Variants in FLNC observed in about 807,000 individuals in gnomAD.
FLNC encodes filamin C.
A neutral mutation model predicts 254.3 loss-of-function variants in FLNC; 91 were observed. The observed-to-expected ratio is 0.36, with a 90% CI of 0.30 to 0.43. The LOEUF (loss-of-function observed/expected upper bound fraction) is 0.43. FLNC is among the 20% of genes least tolerant of loss of function. The probability of loss-of-function intolerance (pLI) is 1.00; values close to 1 mark genes in which losing one functional copy is unlikely to be tolerated. For missense variants in FLNC, 2,853 were observed against 3,802.6 expected, an observed-to-expected ratio of 0.75 and a Z score of 6.57; for synonymous variants, 1,430 against 1,577.2, an observed-to-expected ratio of 0.91 and a Z score of 2.21.
In FLNC at chr7:128,843,754, CT is replaced by C. The variant is rs763236914; in HGVS notation, c.2812-40del. On this transcript the variant is annotated intron_variant, in intron 18 of 47. Transcript: ENST00000325888. ...ATTCACCACCAGGATGTTGTAGGAC[CT>C]TGCCTTATATCCAGTTCTGACCTAC... The C allele has an allele frequency of 1.0e-5, 16 of 1,577,892 alleles. No individual in the cohort carries two copies. The South Asian group carries it at 1.8e-4, about 17-fold the overall frequency.
intron 37 of FLNC, chr7:128,853,256 C>G: frequency 1.4e-6 from 1 of 710,828 alleles, no homozygotes; most frequent in South Asian, 1.7e-5. Context: ...TCTGTCCCTC[C>G]CTTGCTCACT....
At position 128,835,425 on chromosome 7, in the gene FLNC, A is replaced by G. The variant is rs1193415807; in HGVS notation, c.452A>G (p.Glu151Gly). Residue 151 changes from glutamate (E) to glycine (G), a missense_variant, in exon 2 of 48, where the codon GAA becomes GGA. This residue lies in a region of FLNC where 115 missense variants were observed against 230.3 expected (regional missense o/e 0.50). Transcript: ENST00000325888. The surrounding 1 kb of genome is among the most constrained non-coding windows in gnomAD (Gnocchi z 5.3). Reference sequence around the variant, plus strand: ...ATCTCCATGCCCATGTGGGAGGATGAAGATGATGAGGATGCCCGCAAACAG... The same window carrying G: ...ATCTCCATGCCCATGTGGGAGGATGGAGATGATGAGGATGCCCGCAAACAG... Reference protein sequence around the residue: ...YSISMPMWEDEDDEDARKQTP... With the variant: ...YSISMPMWEDGDDEDARKQTP... 6.2e-7 allele frequency: 1 copy of G among 1,614,126 alleles called. No homozygotes were observed. The highest frequency in any genetic ancestry group is 1.1e-5 in the South Asian group (1 of 91,082).
At position 128,857,140 on chromosome 7, in the gene FLNC, G is replaced by C; in HGVS notation, c.7584G>C (p.Val2528=). The C allele has an allele frequency of 6.2e-7, 1 of 1,614,114 alleles. No individual in the cohort carries two copies. Among genetic ancestry groups the C allele is most frequent in the Non-Finnish European group, 8.5e-7 (1 of 1,180,008 alleles). The change falls in exon 46 of 48, where the codon GTG becomes GTC. Residue 2528 remains valine, a synonymous_variant. Transcript: ENST00000325888. This position sits in a 1 kb window ranked among gnomAD's most constrained non-coding sequence, Gnocchi z 4.5. ...GTTGVSSEFI[V]NTLNAGSGAL... is the part of the protein sequence containing the mutation. The stretch of plus-strand genomic sequence containing the variant: ...CAGGTGTGTCATCAGAGTTCATCGT[G>C]AACACCCTGAATGCCGGCTCGGGGG...
At position 128,835,073 on chromosome 7, in the gene FLNC, C is replaced by CA. The variant is rs1397936849; in HGVS notation, c.353-252dup. Among the ~76,000 whole-genome samples, 3 of 152,198 alleles carry CA rather than the reference C, an allele frequency of 2.0e-5. No homozygotes were observed. Among genetic ancestry groups the CA allele is most frequent in the Non-Finnish European group, 4.4e-5 (3 of 68,036 alleles). On this transcript the variant is annotated intron_variant, in intron 1 of 47. Coordinates refer to ENST00000325888, the MANE Select transcript of FLNC (RefSeq NM_001458.5). The surrounding 1 kb of genome is among the most constrained non-coding windows in gnomAD (Gnocchi z 5.3). ...TAATTACATAGACAGGAGGCAGACT[C>CA]ACTTGCTGTAGCTGAGGTGAGGGTA...
Position 128,843,510 on chromosome 7 carries a change from T to C in FLNC, c.2744T>C (p.Val915Ala), listed in dbSNP as rs1808427740. ...QFAGTAKGEV[V>A]RDFEIIDNHD... ...GCAGGGACAGCCAAGGGCGAGGTTG[T>C]GCGGGACTTTGAGATCATAGACAAC... Residue 915 changes from valine to alanine, a missense_variant, in exon 18 of 48, where the codon GTG becomes GCG. Coordinates refer to ENST00000325888, the MANE Select transcript of FLNC (RefSeq NM_001458.5). The C allele has an allele frequency of 1.9e-6, 3 of 1,614,032 alleles. No homozygotes were observed. In the Admixed American group the frequency reaches 5.0e-5, roughly 27 times the overall value.
Position 128,830,709 on chromosome 7 carries a change from G to C in FLNC, c.72G>C (p.Thr24=), listed in dbSNP as rs1023054732. Residue 24 remains threonine, a synonymous_variant, in exon 1 of 48, where the codon ACG becomes ACC. Transcript: ENST00000325888. ...LGDETDEMPS[T]EKDLAEDAPW... ...ATGAGACAGACGAGATGCCGTCCAC[G>C]GAGAAGGACCTGGCGGAGGACGCGC... The C allele has an allele frequency of 8.1e-6, 13 of 1,612,872 alleles. No homozygotes were observed. The highest frequency in any genetic ancestry group is 1.7e-5 in the Admixed American group (1 of 60,008).
At chr7:128,848,502 A>G in intron 26 of FLNC, 59 bp from the exon 27 acceptor site, 1 of 1,571,682 alleles carries the variant, frequency 6.4e-7, no homozygotes, top group Non-Finnish European at 8.7e-7. Context: ...AGATGAGATC[A>G]CCCCCCACCG....
Position 128,837,691 on chromosome 7 carries a change from C to T in FLNC, c.905C>T (p.Thr302Met), listed in dbSNP as rs776362922. The change falls in exon 5 of 48, where the codon ACG becomes ATG. Residue 302 changes from threonine (T) to methionine (M), a missense_variant. Transcript: ENST00000325888. ...VLQPAHFTVQ[T>M]VDAGVGEVLV... Reference sequence around the variant, plus strand: ...CAGCCTGCCCACTTCACCGTGCAGACGGTGGACGCGGGCGTGGGCGAGGTG... The same window carrying T: ...CAGCCTGCCCACTTCACCGTGCAGATGGTGGACGCGGGCGTGGGCGAGGTG... 40 of 1,611,088 alleles carry T rather than the reference C, an allele frequency of 2.5e-5. No homozygotes were observed. The highest frequency in any genetic ancestry group is 1.7e-4 in the Middle Eastern group (1 of 6,060).
intron 35 of FLNC, 129 bp downstream of exon 35, chr7:128,851,757 T>C: frequency 1.1e-6 from 1 of 919,994 alleles, no homozygotes; most frequent in Non-Finnish European, 1.7e-6. Context: ...GTGTGAGGGG[T>C]CATATTTTGA....
At position 128,850,903 on chromosome 7, in the gene FLNC, G is replaced by A. The variant is rs754455069; in HGVS notation, c.5499G>A (p.Leu1833=). Residue 1833 remains leucine (L), a synonymous_variant, in exon 33 of 48, where the codon CTG becomes CTA. Coordinates refer to ENST00000325888, the MANE Select transcript of FLNC (RefSeq NM_001458.5). ...GGTATGCACCCACTGAGAAAGGCCT[G>A]CACCAGATGGGGATCAAGTATGACG... ...TVRYAPTEKG[L]HQMGIKYDGN... 1 of 1,613,692 alleles carries A rather than the reference G, an allele frequency of 6.2e-7. No individual in the cohort carries two copies. The highest frequency in any genetic ancestry group is 8.5e-7 in the Non-Finnish European group (1 of 1,179,976).
rs1809115418 is a variant in FLNC at position 128,857,441 on chromosome 7, T to C, written c.7780+105T>C. 2.7e-6 allele frequency: 2 copies of C among 731,278 alleles called. No individual in the cohort carries two copies. The highest frequency in any genetic ancestry group is 2.7e-5 in the East Asian group (1 of 37,246). 45.3% of individuals were successfully genotyped at this position (731,278 alleles called of 1,614,324 possible). ...GGCCATAGTCTGCCCCCAGACATCA[T>C]GGTCAGTTTACCAGGGCTAGAGGTG... On this transcript the variant is annotated intron_variant, in intron 46 of 47. Coordinates refer to ENST00000325888, the MANE Select transcript of FLNC (RefSeq NM_001458.5). This position sits in a 1 kb window ranked among gnomAD's most constrained non-coding sequence, Gnocchi z 4.5.
rs201780093 is a variant in FLNC, at chr7:128,849,004, G to C, written c.4927+22G>C. 8 of 1,607,502 alleles carry C rather than the reference G, an allele frequency of 5.0e-6. No homozygotes were observed. The Admixed American group carries it at 8.3e-5, about 17-fold the overall frequency. ...ACAGGTGGGTGCCCACCCGCTGCCC[G>C]TGCCCTGCTCACCACCCAGCCCCTC... On this transcript the variant is annotated intron_variant, in intron 28 of 47. Coordinates refer to ENST00000325888, the MANE Select transcript of FLNC (RefSeq NM_001458.5).
rs1440413630 is a variant in FLNC at position 128,836,551 on chromosome 7, G to A, written c.602-609G>A. Among the ~76,000 whole-genome samples the A allele has an allele frequency of 6.6e-6, 1 of 152,250 alleles. No individual in the cohort carries two copies. The highest frequency in any genetic ancestry group is 1.5e-5 in the Non-Finnish European group (1 of 68,046). On this transcript the variant is annotated intron_variant, in intron 2 of 47. Transcript: ENST00000325888. This position sits in a 1 kb window ranked among gnomAD's most constrained non-coding sequence, Gnocchi z 6.0. The stretch of plus-strand genomic sequence containing the variant: ...CCGTTCATAGGAGTGATCTGGGGCT[G>A]CCTCAGCGTCCTTCCTGTTAGGAAG...
In FLNC at chr7:128,842,803, G is replaced by C; in HGVS notation, c.2399G>C (p.Ser800Thr). ...DCSEAGQGDV[S>T]IGIKCAPGVV... ...GCCCGCTTCTCTGCAGGCGACGTGA[G>C]CATCGGCATCAAGTGCGCCCCAGGC... The change falls in exon 16 of 48, where the codon AGC becomes ACC. Residue 800 changes from serine (S) to threonine (T), a missense_variant. Physicochemically the swap from Ser to Thr is moderately conservative, Grantham distance 58 (BLOSUM62 1). Transcript: ENST00000325888. This position sits in a 1 kb window ranked among gnomAD's most constrained non-coding sequence, Gnocchi z 5.4. 6.2e-7 allele frequency: 1 copy of C among 1,613,692 alleles called. No homozygotes were observed. Among genetic ancestry groups the C allele is most frequent in the South Asian group, 1.1e-5 (1 of 91,082 alleles).
Position 128,843,224 on chromosome 7 carries a change from T to C in FLNC, c.2551-5T>C. 1 of 1,586,916 alleles carries C rather than the reference T, an allele frequency of 6.3e-7. No homozygotes were observed. Among genetic ancestry groups the C allele is most frequent in the Non-Finnish European group, 8.6e-7 (1 of 1,166,250 alleles). ...GAGCCCTGACTGAGCCTCCTCCACA[T>C]CCAGGAGATCCCCGCCAGCCCCTTC... On this transcript the variant is annotated splice_polypyrimidine_tract_variant and splice_region_variant and intron_variant, in intron 16 of 47. Coordinates refer to ENST00000325888, the MANE Select transcript of FLNC (RefSeq NM_001458.5).
chr7:128,848,737 AC>A lies in FLNC; in HGVS notation c.4737+24del, dbSNP rs1425033936. On this transcript the variant is annotated intron_variant, in intron 27 of 47. Transcript: ENST00000325888. ...ATCTTGGTGAGTCTCTGTGCATCCC[AC>A]CCCGCAGGTCATGCTCCAGGCACAG... The A allele has an allele frequency of 4.3e-6, 7 of 1,612,818 alleles. No individual in the cohort carries two copies. Among genetic ancestry groups the A allele is most frequent in the South Asian group, 3.3e-5 (3 of 90,992 alleles).
In FLNC at chr7:128,846,817, C is replaced by A; in HGVS notation, c.4200C>A (p.Asn1400Lys). 6.2e-7 allele frequency: 1 copy of A among 1,614,250 alleles called. No individual in the cohort carries two copies. The highest frequency in any genetic ancestry group is 8.5e-7 in the Non-Finnish European group (1 of 1,180,026). The change falls in exon 24 of 48, where the codon AAC becomes AAA. Residue 1400 changes from asparagine (N) to lysine (K), a missense_variant. Coordinates refer to ENST00000325888, the MANE Select transcript of FLNC (RefSeq NM_001458.5). The part of the protein sequence containing the change: ...PSEAKMSCKD[N>K]KDGSCTVEYI... The stretch of plus-strand genomic sequence containing the variant: ...AAGCCAAGATGTCCTGCAAGGACAA[C>A]AAGGATGGTAGCTGCACCGTGGAGT...
At position 128,856,179 on chromosome 7, in the gene FLNC, T is replaced by C. The variant is rs1337764338; in HGVS notation, c.7252-339T>C. On this transcript the variant is annotated intron_variant, in intron 43 of 47. Transcript: ENST00000325888. The surrounding 1 kb of genome is among the most constrained non-coding windows in gnomAD (Gnocchi z 5.9). ...CTCAGCTTCCTACCTCAGAGCTCTC[T>C]GGCACCCCCAGCCCACACAGCCCAT... 6.6e-6 allele frequency among the ~76,000 whole-genome samples: 1 copy of C among 152,208 alleles called. No homozygotes were observed. Among genetic ancestry groups the C allele is most frequent in the African/African-American group, 2.4e-5 (1 of 41,458 alleles).
intron 2 of FLNC, 106 bp from the exon 3 acceptor site, chr7:128,837,054 G>A: frequency 1.3e-6 from 1 of 799,790 alleles, no homozygotes; most frequent in South Asian, 1.5e-5. Context: ...GAGCTGGTGG[G>A]AAGGGGTGTA....
Sources: allele counts gnomAD v4.1 joint callset (sites outside exome capture counted in the v4.1 genomes callset), GRCh38; gene constraint gnomAD v4.1.1; regional missense constraint gnomAD v4.1.1; non-coding constraint Gnocchi (gnomAD v3.1); transcripts MANE v1.5; gene names NCBI Gene and HGNC (gene_info 2026-07-23, HGNC 2026-07-21).